The following FARS2 variants were observed in gnomAD, a reference collection of about 807,000 sequenced individuals.
FARS2 encodes the protein phenylalanine--tRNA ligase, mitochondrial.
A neutral mutation model predicts 46.4 loss-of-function variants in FARS2; 40 were observed. The ratio of observed to expected loss-of-function variants is 0.86; its 90% CI spans 0.67 to 1.12. The LOEUF (loss-of-function observed/expected upper bound fraction) is 1.12. Ranked by LOEUF, FARS2 falls within the 50% of genes most tolerant of loss-of-function variation. The pLI is 0.00. For synonymous variants in FARS2, 234 were observed against 214.9 expected (o/e 1.09, Z -0.78); for missense variants, 513 against 567.9 (o/e 0.90, Z 0.98).
intron 4 of FARS2, among the ~76,000 whole-genome samples, chr6:5,506,934 C>G (rs1261510829): frequency 1.3e-5 from 2 of 152,178 alleles, no homozygotes; most frequent in African/African-American, 2.4e-5. Context: ...AAAGACTGCC[C>G]CCTTTCCTGG....
rs1445394054 is a variant in FARS2 at position 5,764,130 on chromosome 6, T to G, written c.1218-7161T>G. Among the ~76,000 whole-genome samples the G allele has an allele frequency of 1.3e-5, 2 of 152,230 alleles. No individual in the cohort carries two copies. Among genetic ancestry groups the G allele is most frequent in the African/African-American group, 4.8e-5 (2 of 41,534 alleles). ...CTGTATTAACACTCTACACGCCCCC[T>G]CATTCAGTCCTCACAAACCCTGGAA... On this transcript the variant is annotated intron_variant, in intron 6 of 6. Coordinates refer to ENST00000274680, the MANE Select transcript of FARS2 (RefSeq NM_006567.5). The surrounding 1 kb of genome is among the most constrained non-coding windows in gnomAD (Gnocchi z 4.1).
intron 2 of FARS2, 44 bp from the exon 3 acceptor site, chr6:5,404,498 G>A: frequency 1.4e-6 from 2 of 1,413,600 alleles, no homozygotes; most frequent in Non-Finnish European, 1.9e-6. Context: ...GATATAGATG[G>A]GCCAGGATAT....
At chr6:5,549,894 C>T (rs1473208955) in intron 5 of FARS2, among the ~76,000 whole-genome samples, 1 of 152,094 alleles carries the variant, frequency 6.6e-6, no homozygotes, top group Non-Finnish European at 1.5e-5. Flanking sequence ...ACTCTGAACC[C>T]ATTGCAAAAT....
intron 3 of FARS2, among the ~76,000 whole-genome samples, chr6:5,428,023 G>A (rs1384729688): frequency 6.6e-6 from 1 of 152,138 alleles, no homozygotes; most frequent in Non-Finnish European, 1.5e-5. Flanking sequence ...TTGTGCTGAC[G>A]CCATCAGCAC....
At chr6:5,274,133 G>A (rs975237336) in intron 1 of FARS2, among the ~76,000 whole-genome samples, 13 of 152,172 alleles carry the variant, frequency 8.5e-5, no homozygotes, top group African/African-American at 3.1e-4. Context: ...TGGAACCTCC[G>A]TAGACAAAGA....
chr6:5,737,681 G>A (rs1425008763), intron 6 of FARS2, among the ~76,000 whole-genome samples: 1 of 152,170 alleles, frequency 6.6e-6, no homozygotes, highest in Non-Finnish European at 1.5e-5. Context: ...CCCAGTTTTG[G>A]CCAATGAGAA....
intron 5 of FARS2, among the ~76,000 whole-genome samples, chr6:5,611,483 C>T (rs1371637947): frequency 6.6e-6 from 1 of 152,116 alleles, no homozygotes; most frequent in African/African-American, 2.4e-5. Context: ...CTGTAGTTAG[C>T]CTCTTATTTC....
chr6:5,407,097 G>T (rs1415397442), intron 3 of FARS2, among the ~76,000 whole-genome samples: 1 of 107,824 alleles, frequency 9.3e-6, no homozygotes, highest in Admixed American at 1.1e-4. Context: ...AAAGATGCTT[G>T]TCTTTATTAG....
At chr6:5,261,018 G>C, upstream of FARS2, 1 of 1,031,566 alleles carries the variant, frequency 9.7e-7, no homozygotes, top group Non-Finnish European at 1.2e-6. Flanking sequence ...CCCCCGCCCG[G>C]AGGCTCGGGA....
Position 5,715,384 on chromosome 6 carries a change from G to A in FARS2, c.1218-55907G>A, listed in dbSNP as rs542100258. 5.9e-5 allele frequency among the ~76,000 whole-genome samples: 9 copies of A among 152,160 alleles called. No homozygotes were observed. In the South Asian group the frequency reaches 1.2e-3, roughly 21 times the overall value. On this transcript the variant is annotated intron_variant, in intron 6 of 6. Transcript: ENST00000274680. ...ATAGTCACAGAGTTGTGCGTTCGTC[G>A]CCACAGTTGATTTTAAAACGTTTTC...
At chr6:5,411,147 C>T (rs1761922480) in intron 3 of FARS2, among the ~76,000 whole-genome samples, 1 of 152,180 alleles carries the variant, frequency 6.6e-6, no homozygotes, top group Non-Finnish European at 1.5e-5. Flanking sequence ...GGCCCAATGG[C>T]TCACGCCTGT....
intron 1 of FARS2, among the ~76,000 whole-genome samples, chr6:5,326,103 A>G (rs1770360607): frequency 2.0e-5 from 3 of 152,200 alleles, no homozygotes; most frequent in Admixed American, 6.5e-5. Context: ...TGACGTAAGA[A>G]TTTCTTCTTA....
At chr6:5,544,197 C>A (rs1384669184) in intron 4 of FARS2, among the ~76,000 whole-genome samples, 9 of 152,306 alleles carry the variant, frequency 5.9e-5, no homozygotes, top group Non-Finnish European at 1.0e-4. Context: ...AGCCATGTGG[C>A]CTCTTCACAG....
chr6:5,500,933 C>A (rs1420237255), intron 4 of FARS2, among the ~76,000 whole-genome samples: 2 of 143,546 alleles, frequency 1.4e-5, no homozygotes, highest in Non-Finnish European at 3.0e-5. Flanking sequence ...TTCAAATCCC[C>A]GAGAGAGAGA....
intron 6 of FARS2, among the ~76,000 whole-genome samples, chr6:5,664,531 C>T (rs1778010531): frequency 1.3e-5 from 2 of 152,180 alleles, no homozygotes; most frequent in African/African-American, 4.8e-5. Flanking sequence ...CCCTTGGTTT[C>T]CTCCACTTCT....
chr6:5,387,001 G>A (rs78788760), intron 2 of FARS2, among the ~76,000 whole-genome samples: 268 of 152,210 alleles, frequency 1.8e-3, no homozygotes, highest in African/African-American at 6.1e-3. Context: ...GTCCCTTGGC[G>A]TACAAATATT....
At chr6:5,546,154 G>A (rs1342433059) in intron 5 of FARS2, among the ~76,000 whole-genome samples, 1 of 151,378 alleles carries the variant, frequency 6.6e-6, no homozygotes, top group Non-Finnish European at 1.5e-5. Flanking sequence ...CCTAAATAGA[G>A]GTCCATAAAC....
At chr6:5,450,376 G>A (rs1167991462) in intron 4 of FARS2, among the ~76,000 whole-genome samples, 1 of 151,916 alleles carries the variant, frequency 6.6e-6, no homozygotes, top group Non-Finnish European at 1.5e-5. Flanking sequence ...GGGGAAGCGT[G>A]ATGTGGGCTG....
chr6:5,373,679 C>T (rs1200118952), intron 2 of FARS2, among the ~76,000 whole-genome samples: 1 of 152,074 alleles, frequency 6.6e-6, no homozygotes, highest in Non-Finnish European at 1.5e-5. Context: ...TCCTTAAATA[C>T]TCTTGGTGTG....
Sources: allele counts gnomAD v4.1 joint callset (sites outside exome capture counted in the v4.1 genomes callset), GRCh38; gene constraint gnomAD v4.1.1; non-coding constraint Gnocchi (gnomAD v3.1); transcripts MANE v1.5; gene names NCBI Gene and HGNC (gene_info 2026-07-23, HGNC 2026-07-21).